Variants in SMAD1 observed in about 807,000 individuals in gnomAD.
The protein encoded by SMAD1 is MAD, mothers against decapentaplegic homolog 1.
A neutral mutation model predicts 41.6 loss-of-function variants in SMAD1; 6 were observed. The observed-to-expected ratio is 0.14, with a 90% CI of 0.08 to 0.28. The LOEUF is 0.28. SMAD1 is among the 10% of genes least tolerant of loss of function. The probability of loss-of-function intolerance (pLI) is 1.00; values close to 1 mark genes in which losing one functional copy is unlikely to be tolerated. For synonymous variants in SMAD1, 206 were observed against 203.2 expected, an observed-to-expected ratio of 1.01 and a Z score of -0.12; for missense variants, 379 against 582.6, an observed-to-expected ratio of 0.65 and a Z score of 3.60.
chr4:145,484,567 T>A (rs1410019752), intron 1 of SMAD1: 1 of 152,328 alleles, frequency 6.6e-6, no homozygotes, highest in African/African-American at 2.4e-5. Context: ...AAGGCTGAGA[T>A]GGCCAGGGAT....
chr4:145,505,707 A>C (rs930003500), intron 1 of SMAD1, among the ~76,000 whole-genome samples: 4 of 152,100 alleles, frequency 2.6e-5, no homozygotes, highest in African/African-American at 9.7e-5. Context: ...CTGGAAGCTC[A>C]AGTCTTACTT....
At chr4:145,501,296 A>G (rs939799384) in intron 1 of SMAD1, among the ~76,000 whole-genome samples, 1 of 152,262 alleles carries the variant, frequency 6.6e-6, no homozygotes, top group Non-Finnish European at 1.5e-5. Flanking sequence ...AAGTGATAAA[A>G]AGAAATAAAA....
rs761719394 is a variant in SMAD1, at chr4:145,514,847, C to G, written c.234C>G (p.Ser78=). The change falls in exon 2 of 7, where the codon TCC becomes TCG. Residue 78 remains serine, a synonymous_variant. Coordinates refer to ENST00000302085, the MANE Select transcript of SMAD1 (RefSeq NM_005900.3). The surrounding 1 kb of genome is among the most constrained non-coding windows in gnomAD (Gnocchi z 4.7). ...PRSLDGRLQV[S]HRKGLPHVIY... ...CTCTGGATGGCAGGCTGCAAGTCTC[C>G]CACCGGAAGGGACTGCCTCATGTCA... is the stretch of plus-strand genomic sequence containing the variant. 1 of 1,614,068 alleles carries G rather than the reference C, an allele frequency of 6.2e-7. No individual in the cohort carries two copies. Among genetic ancestry groups the G allele is most frequent in the South Asian group, 1.1e-5 (1 of 91,070 alleles).
chr4:145,554,358 A>T (rs1732723899), intron 6 of SMAD1, among the ~76,000 whole-genome samples: 1 of 152,146 alleles, frequency 6.6e-6, no homozygotes. Context: ...ATTTAAATAC[A>T]TGGTTGTTTT....
intron 1 of SMAD1, among the ~76,000 whole-genome samples, chr4:145,490,136 G>T (rs1728697430): frequency 2.0e-5 from 3 of 152,310 alleles, no homozygotes; most frequent in Non-Finnish European, 4.4e-5. Context: ...TTTTAAGATA[G>T]ATGAGACCTC....
At chr4:145,493,355 A>G (rs183425789) in intron 1 of SMAD1, among the ~76,000 whole-genome samples, 466 of 152,320 alleles carry the variant, frequency 3.1e-3, no homozygotes, top group African/African-American at 0.011. Context: ...CATCTCATCT[A>G]TTACAGCTTC....
intron 1 of SMAD1, among the ~76,000 whole-genome samples, chr4:145,483,907 C>A (rs1728331479): frequency 6.6e-6 from 1 of 152,062 alleles, no homozygotes; most frequent in South Asian, 2.1e-4. Flanking sequence ...GAGCTGATGA[C>A]CTTTGTGTTT....
chr4:145,506,186 A>T (rs1339865683), intron 1 of SMAD1, among the ~76,000 whole-genome samples: 1 of 152,212 alleles, frequency 6.6e-6, no homozygotes, highest in East Asian at 1.9e-4. Context: ...AAAAGAAAAA[A>T]AAAGTATCCA....
At chr4:145,539,238 A>G (rs1320910883) in intron 2 of SMAD1, among the ~76,000 whole-genome samples, 1 of 152,210 alleles carries the variant, frequency 6.6e-6, no homozygotes, top group African/African-American at 2.4e-5. Context: ...AAAGCACCTC[A>G]TATTTTGTAT....
At chr4:145,540,373 G>T (rs1261898451) in intron 3 of SMAD1, among the ~76,000 whole-genome samples, 4 of 152,294 alleles carry the variant, frequency 2.6e-5, no homozygotes, top group Admixed American at 6.5e-5. Flanking sequence ...TTGATAAAAA[G>T]AAAAATACCG....
At chr4:145,524,151 G>A (rs966152444) in intron 2 of SMAD1, among the ~76,000 whole-genome samples, 10 of 152,102 alleles carry the variant, frequency 6.6e-5, no homozygotes, top group African/African-American at 2.4e-4. Context: ...GACAGTGAAC[G>A]CTTTCCAGGA....
Position 145,557,860 on chromosome 4 carries a change from G to C in SMAD1, c.1324G>C (p.Gly442Arg). Residue 442 changes from glycine (G) to arginine (R), a missense_variant, in exon 7 of 7, where the codon GGC (glycine) becomes CGC (arginine). This residue lies in a region of SMAD1 where 107 missense variants were observed against 218.3 expected (regional missense o/e 0.49). Coordinates refer to ENST00000302085, the MANE Select transcript of SMAD1 (RefSeq NM_005900.3). ...TPCWIEIHLH[G>R]PLQWLDKVLT... ...CTGCTGGATTGAGATACATCTGCACGGCCCCCTCCAGTGGCTGGATAAAGT... is the reference window on the plus strand; with the variant it reads ...CTGCTGGATTGAGATACATCTGCACCGCCCCCTCCAGTGGCTGGATAAAGT... 2 of 1,612,190 alleles carry C rather than the reference G, an allele frequency of 1.2e-6. No homozygotes were observed. Among genetic ancestry groups the C allele is most frequent in the Non-Finnish European group, 1.7e-6 (2 of 1,178,586 alleles).
intron 2 of SMAD1, among the ~76,000 whole-genome samples, chr4:145,528,292 T>G (rs1485368970): frequency 1.3e-5 from 2 of 151,752 alleles, no homozygotes; most frequent in East Asian, 3.9e-4. Context: ...TTTAATAGAG[T>G]CAGGGATTCA....
chr4:145,508,680 A>G (rs1407091538), intron 1 of SMAD1, among the ~76,000 whole-genome samples: 1 of 152,084 alleles, frequency 6.6e-6, no homozygotes, highest in Non-Finnish European at 1.5e-5. Context: ...TTCCGTTTTT[A>G]TATATTATTG....
chr4:145,481,625 G>T (rs909388160), upstream of SMAD1: 2 of 152,422 alleles, frequency 1.3e-5, no homozygotes, highest in Admixed American at 1.3e-4. Context: ...CCGGTAGAAG[G>T]GGGTGGCTCC....
chr4:145,482,234 C>A lies in SMAD1; in HGVS notation c.-177+196C>A, dbSNP rs1171335478. ...CGGGGCGGGCCGCGACCCCCCCCCC[C>A]CATGATGGCGCCTCCCGTCTGCTCG... On this transcript the variant is annotated intron_variant, in intron 1 of 6. Transcript: ENST00000302085. The surrounding 1 kb of genome is among the most constrained non-coding windows in gnomAD (Gnocchi z 4.2). Among the ~76,000 whole-genome samples, 1 of 149,654 alleles carries A rather than the reference C, an allele frequency of 6.7e-6. No individual in the cohort carries two copies. The highest frequency in any genetic ancestry group is 2.0e-4 in the East Asian group (1 of 5,038).
intron 1 of SMAD1, among the ~76,000 whole-genome samples, chr4:145,487,294 A>G (rs9968492): frequency 0.051 from 7,699 of 152,138 alleles, 569 homozygotes; most frequent in African/African-American, 0.16. Context: ...TTAGGGAGCT[A>G]GGGAGTCCTA....
chr4:145,539,233 A>AC (rs1390067702), intron 2 of SMAD1, among the ~76,000 whole-genome samples: 1 of 152,096 alleles, frequency 6.6e-6, no homozygotes, highest in East Asian at 1.9e-4. Context: ...CCCACAAAGC[A>AC]CCTCATATTT....
chr4:145,545,440 G>A (rs1732190246), intron 4 of SMAD1: 1 of 152,178 alleles, frequency 6.6e-6, no homozygotes, highest in African/African-American at 2.4e-5. Flanking sequence ...GCAAATTGAT[G>A]TGGTAGAGTT....
Sources: allele counts gnomAD v4.1 joint callset (sites outside exome capture counted in the v4.1 genomes callset), GRCh38; gene constraint gnomAD v4.1.1; regional missense constraint gnomAD v4.1.1; non-coding constraint Gnocchi (gnomAD v3.1); transcripts MANE v1.5; gene names NCBI Gene and HGNC (gene_info 2026-07-23, HGNC 2026-07-21).